Variants in ETS1 observed in about 807,000 individuals in gnomAD.
ETS1 encodes protein C-ets-1.
Under a neutral mutation model 58.6 loss-of-function variants are expected in ETS1, and 15 were observed. The observed-to-expected ratio is 0.26, with a 90% CI of 0.17 to 0.39. The LOEUF is 0.39. Ranked by LOEUF, ETS1 falls within the 10% of genes least tolerant of loss-of-function variation. The pLI, the probability that ETS1 is intolerant of heterozygous loss-of-function variation, is 1.00. For missense variants in ETS1, 417 were observed against 610.5 expected (o/e 0.68, Z 3.34); for synonymous variants, 214 against 218.2 (o/e 0.98, Z 0.17).
chr11:128,549,435 C>G lies in ETS1; in HGVS notation c.214+6856G>C, dbSNP rs561108314. Among the ~76,000 whole-genome samples, 3 of 152,328 alleles carry G rather than the reference C, an allele frequency of 2.0e-5. No homozygotes were observed. Among genetic ancestry groups the G allele is most frequent in the Non-Finnish European group, 4.4e-5 (3 of 68,022 alleles). On this transcript the variant is annotated intron_variant, in intron 3 of 9. Coordinates refer to ENST00000392668, the MANE Select transcript of ETS1 (RefSeq NM_001143820.2). This position sits in a 1 kb window ranked among gnomAD's most constrained non-coding sequence, Gnocchi z 4.3. Reference sequence around the variant, plus strand: ...GTGCGAGGAGTTCCAGGAGAGGGGTCAAACTGCTTGAATCGCATAAGAACC... The same window carrying G: ...GTGCGAGGAGTTCCAGGAGAGGGGTGAAACTGCTTGAATCGCATAAGAACC...
chr11:128,545,605 T>C (rs1380260151), intron 3 of ETS1, among the ~76,000 whole-genome samples: 2 of 152,208 alleles, frequency 1.3e-5, no homozygotes, highest in African/African-American at 4.8e-5. Context: ...TGGTAACCAC[T>C]GTACCTCTCA....
intron 8 of ETS1, among the ~76,000 whole-genome samples, chr11:128,475,302 G>A (rs928644116): frequency 3.3e-5 from 5 of 152,198 alleles, no homozygotes; most frequent in African/African-American, 1.2e-4. Context: ...GTTTCATTCT[G>A]AACTGAAGGG....
intron 3 of ETS1, chr11:128,527,082 C>A: frequency 2.4e-6 from 1 of 410,486 alleles, no homozygotes; most frequent in Non-Finnish European, 4.8e-6. Flanking sequence ...ATACAATGGA[C>A]ATGGGAGTAG....
intron 3 of ETS1, among the ~76,000 whole-genome samples, chr11:128,512,536 C>T (rs534009957): frequency 2.6e-5 from 4 of 152,354 alleles, no homozygotes; most frequent in South Asian, 2.1e-4. Flanking sequence ...GCTCTTCCAC[C>T]GCCGCCACAG....
At chr11:128,485,141 A>G in intron 6 of ETS1, 70 bp from the exon 7 acceptor site, 1 of 1,388,174 alleles carries the variant, frequency 7.2e-7, no homozygotes, top group Non-Finnish European at 1.0e-6. Context: ...TTCACCATCT[A>G]CAGGGCCCTA....
chr11:128,508,617 C>A (rs1370344343), intron 3 of ETS1, among the ~76,000 whole-genome samples: 2 of 152,152 alleles, frequency 1.3e-5, no homozygotes, highest in Non-Finnish European at 2.9e-5. Context: ...GGCTTAGGTA[C>A]CCAAAGAGAA....
chr11:128,480,184 C>T lies in ETS1; in HGVS notation c.1123+7G>A, dbSNP rs778702464. 2.0e-5 allele frequency: 32 copies of T among 1,612,892 alleles called. No individual in the cohort carries two copies. The highest frequency in any genetic ancestry group is 1.0e-4 in the Admixed American group (6 of 59,956). On this transcript the variant is annotated splice_region_variant and intron_variant, in intron 8 of 9. Transcript: ENST00000392668. Reference sequence around the variant, plus strand: ...GGAGTTGGCCTAAGCAGCGGGAGGGCGCCTACCTGTGTAGCCAGCTAGGGC... The same window carrying T: ...GGAGTTGGCCTAAGCAGCGGGAGGGTGCCTACCTGTGTAGCCAGCTAGGGC...
intron 1 of ETS1, among the ~76,000 whole-genome samples, chr11:128,575,620 C>T (rs370886771): frequency 7.2e-5 from 11 of 152,200 alleles, no homozygotes; most frequent in Non-Finnish European, 1.6e-4. Flanking sequence ...AAGACAGGAT[C>T]TCTATCTTCA....
rs1212406328 is a variant in ETS1 at position 128,484,865 on chromosome 11, C to T, written c.820G>A (p.Val274Ile). Residue 274 changes from valine to isoleucine, a missense_variant, in exon 7 of 10, where the codon GTC becomes ATC. Physicochemically the swap from Val to Ile is conservative, Grantham distance 29. Around this residue, in one of 4 missense-constraint regions of ETS1, gnomAD observed 139 missense variants for 152.1 expected, o/e 0.91. Transcript: ENST00000392668. ...QNDYFAIKQE[V>I]VTPDNMCMGR... ...ATGCACATGTTGTCTGGGGTGACGA[C>T]TTCTTGTTTGATAGCAAAGTAGTCA... The T allele has an allele frequency of 2.5e-6, 4 of 1,613,966 alleles. No individual in the cohort carries two copies. The highest frequency in any genetic ancestry group is 4.5e-5 in the East Asian group (2 of 44,882).
chr11:128,501,596 T>A (rs1367158324), intron 3 of ETS1, among the ~76,000 whole-genome samples: 4 of 152,232 alleles, frequency 2.6e-5, no homozygotes, highest in Admixed American at 2.6e-4. Context: ...GCTTTCTGTG[T>A]CTTTCTCTAT....
rs370032107 is a variant in ETS1, at chr11:128,552,139, T to C, written c.214+4152A>G. Among the ~76,000 whole-genome samples the C allele has an allele frequency of 2.6e-4, 39 of 152,158 alleles. No homozygotes were observed. The East Asian group carries it at 4.7e-3, about 18-fold the overall frequency. On this transcript the variant is annotated intron_variant, in intron 3 of 9. Coordinates refer to ENST00000392668, the MANE Select transcript of ETS1 (RefSeq NM_001143820.2). ...TCTGGGGACCATGCTTGGAGAATCA[T>C]TGGTATAGATCCGGAAACTGGGTTA...
rs1861992654 is a variant in ETS1 at position 128,464,867 on chromosome 11, GT to G, written c.1124-1241del. 6.6e-6 allele frequency among the ~76,000 whole-genome samples: 1 copy of G among 152,104 alleles called. No individual in the cohort carries two copies. Among genetic ancestry groups the G allele is most frequent in the East Asian group, 1.9e-4 (1 of 5,200 alleles). On this transcript the variant is annotated intron_variant, in intron 8 of 9. Coordinates refer to ENST00000392668, the MANE Select transcript of ETS1 (RefSeq NM_001143820.2). This position sits in a 1 kb window ranked among gnomAD's most constrained non-coding sequence, Gnocchi z 4.1. ...TCTACAAGACATTTTCACATGCATC[GT>G]TGTGCTTGCTCCTAAAATCCACACC...
intron 8 of ETS1, among the ~76,000 whole-genome samples, chr11:128,471,656 G>A (rs1034484266): frequency 6.6e-6 from 1 of 152,222 alleles, no homozygotes; most frequent in Non-Finnish European, 1.5e-5. Context: ...CCAGAGATGG[G>A]TTAGGTTTGG....
chr11:128,585,814 A>G (rs1332388777), intron 1 of ETS1, among the ~76,000 whole-genome samples: 2 of 152,172 alleles, frequency 1.3e-5, no homozygotes, highest in African/African-American at 2.4e-5. Context: ...CTCTGTTACA[A>G]AGCTAATCAC....
intron 3 of ETS1, among the ~76,000 whole-genome samples, chr11:128,521,743 C>G (rs947125389): frequency 5.9e-5 from 9 of 152,222 alleles, no homozygotes; most frequent in Non-Finnish European, 8.8e-5. Flanking sequence ...CCTCCTCCTC[C>G]TCCTCCTCCT....
intron 8 of ETS1, among the ~76,000 whole-genome samples, chr11:128,477,075 A>G (rs1402324897): frequency 1.3e-5 from 2 of 152,262 alleles, no homozygotes; most frequent in African/African-American, 4.8e-5. Flanking sequence ...AAGACATCCT[A>G]TCAAGAAGTA....
intron 8 of ETS1, among the ~76,000 whole-genome samples, chr11:128,465,015 C>G (rs1397803402): frequency 1.3e-5 from 2 of 152,148 alleles, no homozygotes; most frequent in African/African-American, 4.8e-5. Flanking sequence ...AATGGTGGTT[C>G]TGGGTCTAGT....
intron 3 of ETS1, among the ~76,000 whole-genome samples, chr11:128,504,532 C>T (rs1189169152): frequency 1.3e-5 from 2 of 152,236 alleles, no homozygotes; most frequent in African/African-American, 2.4e-5. Flanking sequence ...TGCCACTGGT[C>T]AGGGGTCTTA....
chr11:128,537,084 G>T (rs897694468), intron 3 of ETS1, among the ~76,000 whole-genome samples: 1 of 152,088 alleles, frequency 6.6e-6, no homozygotes, highest in Non-Finnish European at 1.5e-5. Flanking sequence ...CCAATGTTTT[G>T]CACAACTTTG....
Sources: allele counts gnomAD v4.1 joint callset (sites outside exome capture counted in the v4.1 genomes callset), GRCh38; gene constraint gnomAD v4.1.1; regional missense constraint gnomAD v4.1.1; non-coding constraint Gnocchi (gnomAD v3.1); transcripts MANE v1.5; gene names NCBI Gene and HGNC (gene_info 2026-07-23, HGNC 2026-07-21).